Variants in LYRM4 observed in about 807,000 individuals in gnomAD.
LYRM4 encodes LYR motif-containing protein 4.
A neutral mutation model predicts 11.7 loss-of-function variants in LYRM4; 9 were observed. The ratio of observed to expected loss-of-function variants is 0.77; its 90% confidence interval spans 0.46 to 1.34. The LOEUF (loss-of-function observed/expected upper bound fraction) is 1.34. Ranked by LOEUF, LYRM4 falls within the 40% of genes most tolerant of loss-of-function variation. LYRM4 has a pLI of 0.00. For synonymous variants in LYRM4, 42 were observed against 40.4 expected, an observed-to-expected ratio of 1.04 and a Z score of -0.15; for missense variants, 133 against 112.5, an observed-to-expected ratio of 1.18 and a Z score of -0.82.
At chr6:5,145,695 T>A (rs1488097432) in intron 2 of LYRM4, among the ~76,000 whole-genome samples, 1 of 152,212 alleles carries the variant, frequency 6.6e-6, no homozygotes, top group Non-Finnish European at 1.5e-5. Flanking sequence ...CCTATTAATA[T>A]GAAATGGTAG....
chr6:5,140,032 G>A (rs529302542), intron 2 of LYRM4, among the ~76,000 whole-genome samples: 6 of 151,818 alleles, frequency 4.0e-5, no homozygotes, highest in African/African-American at 1.2e-4. Context: ...CCAGGAGTTC[G>A]AGACCAGCCT....
downstream of LYRM4, chr6:5,103,168 T>C (rs1169456116): frequency 6.6e-6 from 1 of 152,236 alleles, no homozygotes; most frequent in African/African-American, 2.4e-5. Flanking sequence ...GCCTGCTGAA[T>C]CGTAAGCCAT....
chr6:5,054,028 A>G, the LYRM4 span: 8 of 599,078 alleles, frequency 1.3e-5, no homozygotes, highest in African/African-American at 6.1e-5. Flanking sequence ...AATGATTAAG[A>G]TGGCTATTTA....
At chr6:5,161,950 G>T (rs1758783391) in intron 2 of LYRM4, among the ~76,000 whole-genome samples, 1 of 152,160 alleles carries the variant, frequency 6.6e-6, no homozygotes, top group South Asian at 2.1e-4. Context: ...TAGGAAATCT[G>T]TGAGCATCTT....
intron 1 of LYRM4, among the ~76,000 whole-genome samples, chr6:5,258,997 A>T (rs7744301): frequency 0.022 from 3,323 of 152,332 alleles, 113 homozygotes; most frequent in African/African-American, 0.075. Context: ...AGAATTTCAG[A>T]AATGGAAGGG....
At chr6:5,256,073 G>C (rs1441342574) in intron 1 of LYRM4, among the ~76,000 whole-genome samples, 1 of 151,866 alleles carries the variant, frequency 6.6e-6, no homozygotes, top group Non-Finnish European at 1.5e-5. Context: ...CCAAAAGGTT[G>C]GTCATGCCAA....
the LYRM4 span, among the ~76,000 whole-genome samples, chr6:5,044,882 G>C: frequency 6.6e-6 from 1 of 152,208 alleles, no homozygotes; most frequent in Non-Finnish European, 1.5e-5. Flanking sequence ...TCTACAGCCT[G>C]CCTGCCTTAT....
chr6:5,208,964 G>A (rs1259552773), intron 2 of LYRM4, among the ~76,000 whole-genome samples: 2 of 152,154 alleles, frequency 1.3e-5, no homozygotes, highest in African/African-American at 4.8e-5. Flanking sequence ...AAAAGATATA[G>A]GGTTCACTTA....
At chr6:5,142,166 C>T (rs999478166) in intron 2 of LYRM4, among the ~76,000 whole-genome samples, 23 of 152,152 alleles carry the variant, frequency 1.5e-4, no homozygotes, top group African/African-American at 5.3e-4. Context: ...GTTCTATAAC[C>T]TTGACAGTGG....
intron 2 of LYRM4, among the ~76,000 whole-genome samples, chr6:5,210,328 A>G (rs1028127230): frequency 6.6e-6 from 1 of 152,172 alleles, no homozygotes; most frequent in Non-Finnish European, 1.5e-5. Flanking sequence ...ATTACAGTAT[A>G]ATCCTTTGGT....
intron 2 of LYRM4, among the ~76,000 whole-genome samples, chr6:5,163,008 CAT>C (rs947114330): frequency 7.9e-5 from 12 of 151,996 alleles, no homozygotes; most frequent in Non-Finnish European, 1.5e-4. Context: ...ATAAATTTTT[CAT>C]ATGTTTTCTT....
chr6:5,082,064 T>C, the LYRM4 span, among the ~76,000 whole-genome samples: 104 of 152,316 alleles, frequency 6.8e-4, no homozygotes, highest in Non-Finnish European at 1.0e-3. Flanking sequence ...GTTTTCTTCT[T>C]TATAATAAAC....
At position 5,135,069 on chromosome 6, in the gene LYRM4, GTGGAGGGTGCGGTTCACTCCCGGGA is replaced by G. The variant is rs1757013008; in HGVS notation, c.208-25603_208-25579del. On this transcript the variant is annotated intron_variant, in intron 2 of 2. Coordinates refer to ENST00000330636, the MANE Select transcript of LYRM4 (RefSeq NM_020408.6). ...GAGGGTGCGGATCGCTCCCGGGACT[GTGGAGGGTGCGGTTCACTCCCGGGA>G]CTGTGGAGGGTGCGGATCGCTCCCG... Among the ~76,000 whole-genome samples the G allele has an allele frequency of 1.4e-4, 8 of 55,826 alleles. 4 individuals are homozygous for G. The highest frequency in any genetic ancestry group is 1.6e-3 in the East Asian group (2 of 1,244). The allele number at this position is 55,826 out of a possible 152,430, so 36.6% of individuals were successfully genotyped here.
At chr6:5,242,198 G>C (rs1763921083) in intron 1 of LYRM4, among the ~76,000 whole-genome samples, 1 of 151,134 alleles carries the variant, frequency 6.6e-6, no homozygotes, top group Non-Finnish European at 1.5e-5. Flanking sequence ...TCAGCCTCCT[G>C]AGTAACTAGG....
At position 5,238,915 on chromosome 6, in the gene LYRM4, T is replaced by C. The variant is rs116918740; in HGVS notation, c.86+21733A>G. On this transcript the variant is annotated intron_variant, in intron 1 of 2. Coordinates refer to ENST00000330636, the MANE Select transcript of LYRM4 (RefSeq NM_020408.6). Reference sequence around the variant, plus strand: ...ATTCAGCATTTATGCATTTGAAATCTACCTAGTCAAATTTTCTTGACAAAA... The same window carrying C: ...ATTCAGCATTTATGCATTTGAAATCCACCTAGTCAAATTTTCTTGACAAAA... Among the ~76,000 whole-genome samples, 101 of 152,358 alleles carry C rather than the reference T, an allele frequency of 6.6e-4. 2 individuals carry two copies. The East Asian group carries it at 0.018, about 28-fold the overall frequency.
downstream of LYRM4, among the ~76,000 whole-genome samples, chr6:5,101,635 C>G (rs1181189969): frequency 6.6e-6 from 1 of 152,146 alleles, no homozygotes. Flanking sequence ...CTCTTATTTT[C>G]TCAACAAGAA....
chr6:5,142,681 C>T (rs899235661), intron 2 of LYRM4, among the ~76,000 whole-genome samples: 2 of 152,218 alleles, frequency 1.3e-5, no homozygotes, highest in African/African-American at 2.4e-5. Flanking sequence ...AGGCCATGCA[C>T]CTTTTCATTT....
intron 2 of LYRM4, among the ~76,000 whole-genome samples, chr6:5,156,930 G>A (rs919502249): frequency 3.3e-5 from 5 of 152,124 alleles, no homozygotes; most frequent in Admixed American, 6.5e-5. Context: ...TGAAGCTCTC[G>A]CTTTAGCCCA....
chr6:5,089,189 G>A, the LYRM4 span: 1 of 152,084 alleles, frequency 6.6e-6, no homozygotes, highest in Non-Finnish European at 1.5e-5. Context: ...TAAAAACTTT[G>A]ACGAAAAATA....
Sources: allele counts gnomAD v4.1 joint callset (sites outside exome capture counted in the v4.1 genomes callset), GRCh38; gene constraint gnomAD v4.1.1; transcripts MANE v1.5; gene names NCBI Gene and HGNC (gene_info 2026-07-23, HGNC 2026-07-21).